GORASP2: variants seen among roughly 807,000 people sequenced by gnomAD.
The protein encoded by GORASP2 is golgi reassembly stacking protein 2.
GORASP2 carries 22 observed loss-of-function variants against 45.7 expected under a neutral mutation model. The observed-to-expected ratio is 0.48, with a 90% CI of 0.34 to 0.69. The LOEUF is 0.69. Ranked by LOEUF, GORASP2 falls within the 30% of genes least tolerant of loss-of-function variation. The probability of loss-of-function intolerance (pLI) is 0.01; values close to 1 mark genes in which losing one functional copy is unlikely to be tolerated. For missense variants in GORASP2, 491 were observed against 562.7 expected, an observed-to-expected ratio of 0.87 and a Z score of 1.29; for synonymous variants, 221 against 215.6, an observed-to-expected ratio of 1.02 and a Z score of -0.22.
chr2:170,963,491 C>A lies in GORASP2; in HGVS notation c.1018+545C>A, dbSNP rs1259008604. ...CTCCTCCCCCTCCTCCTCCTCCCGC[C>A]CCCCTCCCCCGCCCCAGAGTAGCAG... On this transcript the variant is annotated intron_variant, in intron 9 of 9. Transcript: ENST00000234160. 2.4e-5 allele frequency among the ~76,000 whole-genome samples: 3 copies of A among 122,904 alleles called. No homozygotes were observed. In the East Asian group the frequency reaches 8.6e-4, roughly 35 times the overall value. The allele number at this position is 122,904 out of a possible 152,430, so 80.6% of individuals were successfully genotyped here.
At chr2:170,931,244 C>T (rs1444481714) in intron 1 of GORASP2, among the ~76,000 whole-genome samples, 1 of 152,182 alleles carries the variant, frequency 6.6e-6, no homozygotes, top group Admixed American at 6.5e-5. Flanking sequence ...TTTAGTTAGA[C>T]TTTTACTAAA....
At chr2:170,941,276 A>C (rs972247359) in intron 1 of GORASP2, among the ~76,000 whole-genome samples, 6 of 152,132 alleles carry the variant, frequency 3.9e-5, no homozygotes, top group African/African-American at 1.4e-4. Flanking sequence ...TTATTTTGTA[A>C]GCATAATTGC....
intron 1 of GORASP2, among the ~76,000 whole-genome samples, chr2:170,932,237 A>AG (rs1491214614): frequency 6.6e-6 from 1 of 151,918 alleles, no homozygotes; most frequent in African/African-American, 2.4e-5. Flanking sequence ...CAAAAAAAAA[A>AG]GAGTCTCTTC....
chr2:170,929,625 G>C, intron 1 of GORASP2: 1 of 608,976 alleles, frequency 1.6e-6, no homozygotes, highest in South Asian at 1.8e-5. Flanking sequence ...AGGAGGACGG[G>C]CTGGAGCTGG....
In GORASP2 at chr2:170,929,265, G is replaced by A. The variant is rs1042393583; in HGVS notation, c.-76G>A. 6.0e-6 allele frequency: 7 copies of A among 1,164,610 alleles called. No homozygotes were observed. Among genetic ancestry groups the A allele is most frequent in the East Asian group, 3.2e-5 (1 of 31,222 alleles). 72.1% of individuals were successfully genotyped at this position (1,164,610 alleles called of 1,614,324 possible). A position where few individuals can be genotyped will look rare whatever the true frequency, so the allele number is the denominator to read the frequency against. The stretch of plus-strand genomic sequence containing the variant: ...AGTGCCACGTCCCAAGTGCTACGCG[G>A]AGGATTAGAGCAGGCGGTGCGCTGG... On this transcript the variant is annotated 5_prime_UTR_variant, in exon 1 of 10. Coordinates refer to ENST00000234160, the MANE Select transcript of GORASP2 (RefSeq NM_015530.5).
At chr2:170,933,142 G>C (rs1237683065) in intron 1 of GORASP2, among the ~76,000 whole-genome samples, 1 of 151,278 alleles carries the variant, frequency 6.6e-6, no homozygotes, top group African/African-American at 2.4e-5. Context: ...TTTTAAAAAA[G>C]AAGTGGACTC....
Position 170,942,431 on chromosome 2 carries a change from A to G in GORASP2, c.64-5919A>G, listed in dbSNP as rs115430645. On this transcript the variant is annotated intron_variant, in intron 1 of 9. Transcript: ENST00000234160. Reference sequence around the variant, plus strand: ...AACAACTAATCTGCTTTCTGTCTCTATGGATTTGTCTATTGCGGACATTTC... The same window carrying G: ...AACAACTAATCTGCTTTCTGTCTCTGTGGATTTGTCTATTGCGGACATTTC... 5.3e-3 allele frequency among the ~76,000 whole-genome samples: 806 copies of G among 152,244 alleles called. 6 individuals carry two copies. The highest frequency in any genetic ancestry group is 0.018 in the African/African-American group (764 of 41,560).
At chr2:170,950,090 GC>G in intron 3 of GORASP2, 113 bp from the exon 4 acceptor site, 1 of 599,888 alleles carries the variant, frequency 1.7e-6, no homozygotes, top group South Asian at 2.3e-5. Flanking sequence ...CACATCTCTA[GC>G]AAGACAGAAG....
At chr2:170,950,648 T>G (rs1704280171) in intron 4 of GORASP2, among the ~76,000 whole-genome samples, 1 of 152,198 alleles carries the variant, frequency 6.6e-6, no homozygotes, top group African/African-American at 2.4e-5. Context: ...ATCCTTTTCC[T>G]TGTCTCTTAG....
At chr2:170,963,450 G>GCTC (rs564256437) in intron 9 of GORASP2, among the ~76,000 whole-genome samples, 2,800 of 134,314 alleles carry the variant, frequency 0.021, 183 homozygotes, top group East Asian at 0.2. Context: ...TGCTGCTGCT[G>GCTC]CTCCTCCTCC....
chr2:170,939,649 A>C (rs1277069431), intron 1 of GORASP2, among the ~76,000 whole-genome samples: 4 of 152,208 alleles, frequency 2.6e-5, no homozygotes, highest in African/African-American at 9.6e-5. Flanking sequence ...AAGTGTTTGC[A>C]TATGGGAAAA....
intron 1 of GORASP2, 130 bp downstream of exon 1, chr2:170,929,533 C>T (rs929243544): frequency 1.3e-5 from 10 of 796,272 alleles, no homozygotes; most frequent in Non-Finnish European, 1.5e-5. Flanking sequence ...CGGTCGCGGG[C>T]GCTGCCTTGG....
intron 1 of GORASP2, 70 bp from the exon 2 acceptor site, chr2:170,948,280 A>C: frequency 1.2e-6 from 1 of 856,820 alleles, no homozygotes. Context: ...TTTTACTGAA[A>C]AGAGAGATTC....
chr2:170,937,412 G>C (rs930463959), intron 1 of GORASP2, among the ~76,000 whole-genome samples: 7 of 152,122 alleles, frequency 4.6e-5, no homozygotes, highest in Non-Finnish European at 1.0e-4. Flanking sequence ...CATTGCCCAG[G>C]CTGGTCTCAA....
At chr2:170,938,193 A>T (rs1252015448) in intron 1 of GORASP2, among the ~76,000 whole-genome samples, 2 of 152,284 alleles carry the variant, frequency 1.3e-5, no homozygotes, top group Non-Finnish European at 2.9e-5. Context: ...AATGTGGAAT[A>T]TAATAAGGAT....
intron 2 of GORASP2, chr2:170,948,790 C>G (rs1704234251): frequency 6.2e-6 from 1 of 161,940 alleles, no homozygotes; most frequent in South Asian, 1.9e-4. Context: ...CTCATTCTCT[C>G]AAACTCGTCA....
intron 6 of GORASP2, among the ~76,000 whole-genome samples, chr2:170,955,184 G>A (rs1252083822): frequency 6.6e-6 from 1 of 152,150 alleles, no homozygotes; most frequent in Non-Finnish European, 1.5e-5. Context: ...AGTCAGCCAT[G>A]TCAGGTAGTG....
chr2:170,961,671 A>G lies in GORASP2; in HGVS notation c.832A>G (p.Thr278Ala), dbSNP rs761680301. The G allele has an allele frequency of 3.9e-6, 6 of 1,556,466 alleles. No homozygotes were observed. The highest frequency in any genetic ancestry group is 2.7e-5 in the African/African-American group (2 of 73,764). Residue 278 changes from threonine to alanine, a missense_variant, in exon 8 of 10, where the codon ACA becomes GCA. Physicochemically the swap from Thr to Ala is moderately conservative, Grantham distance 58. This residue lies in a region of GORASP2 where 297 missense variants were observed against 292.3 expected (regional missense o/e 1.02). Coordinates refer to ENST00000234160, the MANE Select transcript of GORASP2 (RefSeq NM_015530.5). ...TTGTGCTTTCTTTTTAGGTGTACCAACAGTACCGTTATTGCCACCACAAGT... is the reference window on the plus strand; with the variant it reads ...TTGTGCTTTCTTTTTAGGTGTACCAGCAGTACCGTTATTGCCACCACAAGT... ...VSSVLSTGVP[T>A]VPLLPPQVNQ...
In GORASP2 at chr2:170,933,488, T is replaced by C. The variant is rs141017164; in HGVS notation, c.63+4085T>C. Reference sequence around the variant, plus strand: ...AAACAAATCAGGGCCTAACCACAGATAGAATGCTATACATTCGCTCAAAAT... The same window carrying C: ...AAACAAATCAGGGCCTAACCACAGACAGAATGCTATACATTCGCTCAAAAT... On this transcript the variant is annotated intron_variant, in intron 1 of 9. Transcript: ENST00000234160. 4.0e-4 allele frequency among the ~76,000 whole-genome samples: 61 copies of C among 152,308 alleles called. 1 individual carries two copies. The highest frequency in any genetic ancestry group is 1.3e-3 in the African/African-American group (56 of 41,568).
Sources: gnomAD v4.1 joint callset for allele counts (sites outside exome capture counted in the v4.1 genomes callset) on GRCh38, gnomAD v4.1.1 for gene constraint, gnomAD v4.1.1 regional missense constraint, MANE v1.5 for transcripts, NCBI Gene and HGNC (gene_info 2026-07-23, HGNC 2026-07-21) for gene names.